EXD3: variants seen among roughly 807,000 people sequenced by gnomAD.
EXD3 encodes the protein exonuclease mut-7 homolog.
EXD3 carries 92 observed loss-of-function variants against 98.0 expected under a neutral mutation model. The observed-to-expected ratio is 0.94, with a 90% CI of 0.79 to 1.12. The LOEUF (loss-of-function observed/expected upper bound fraction) is 1.12. Among genes scored for constraint, EXD3 ranks in the 50% most tolerant of loss-of-function variants. The pLI, the probability that EXD3 is intolerant of heterozygous loss-of-function variation, is 0.00. For synonymous variants in EXD3, 569 were observed against 526.0 expected (o/e 1.08, Z -1.12); for missense variants, 1,222 against 1,191.6 (o/e 1.03, Z -0.38).
chr9:137,330,611 GGA>G (rs1833015318), intron 17 of EXD3, among the ~76,000 whole-genome samples: 4 of 144,094 alleles, frequency 2.8e-5, no homozygotes, highest in African/African-American at 2.6e-5. Flanking sequence ...GGACTACACA[GGA>G]CTACACAGGA....
chr9:137,346,678 A>AGCTGCATTT (rs1235006444), intron 17 of EXD3, among the ~76,000 whole-genome samples: 3 of 152,164 alleles, frequency 2.0e-5, no homozygotes, highest in Non-Finnish European at 2.9e-5. Flanking sequence ...GGTCGGTTTC[A>AGCTGCATTT]AGGCCCTCTA....
At chr9:137,318,594 G>T (rs914190300) in intron 19 of EXD3, among the ~76,000 whole-genome samples, 1 of 152,156 alleles carries the variant, frequency 6.6e-6, no homozygotes, top group Non-Finnish European at 1.5e-5. Context: ...TCCCATGGTA[G>T]ACGGCACTGG....
chr9:137,372,872 T>A, intron 5 of EXD3, 33 bp downstream of exon 5: 1 of 1,594,510 alleles, frequency 6.3e-7, no homozygotes, highest in Non-Finnish European at 8.5e-7. Flanking sequence ...GAGAAGCCGT[T>A]TCCCCATGAG....
intron 7 of EXD3, chr9:137,365,962 A>G: frequency 2.0e-6 from 1 of 502,470 alleles, no homozygotes. Flanking sequence ...CGCACATATC[A>G]CGTGCACACA....
At chr9:137,398,799 C>T (rs1314486680) in intron 1 of EXD3, among the ~76,000 whole-genome samples, 12 of 146,668 alleles carry the variant, frequency 8.2e-5, no homozygotes, top group African/African-American at 3.1e-4. Context: ...CCCGCGTCCC[C>T]GTGACACACA....
intron 1 of EXD3, among the ~76,000 whole-genome samples, chr9:137,419,116 A>T (rs796203034): frequency 7.9e-5 from 12 of 152,352 alleles, no homozygotes; most frequent in Admixed American, 6.5e-4. Context: ...AAAATCATAC[A>T]GGAAGCATTG....
intron 9 of EXD3, 37 bp downstream of exon 9, chr9:137,354,663 G>A (rs775203602): frequency 9.3e-6 from 15 of 1,607,828 alleles, no homozygotes; most frequent in South Asian, 2.2e-5. Flanking sequence ...CTCAGGCCGC[G>A]GCTGGCTGCC....
rs763343141 is a variant in EXD3, at chr9:137,372,976, G to C, written c.391C>G (p.Leu131Val). Reference protein sequence around the residue: ...LAAPLASIFQLQDADRSCLLA... With the variant: ...LAAPLASIFQVQDADRSCLLA... ...AGGCAGCTCCTGTCTGCATCCTGCA[G>C]CTGGAAGATGCTGGCCAGTGGTGCC... The change falls in exon 5 of 22, where the codon CTG becomes GTG. Residue 131 changes from leucine to valine, a missense_variant. Physicochemically the swap from Leu to Val is conservative, Grantham distance 32 (BLOSUM62 1). Coordinates refer to ENST00000340951, the MANE Select transcript of EXD3 (RefSeq NM_017820.5). 2 of 1,604,164 alleles carry C rather than the reference G, an allele frequency of 1.2e-6. No individual in the cohort carries two copies. The highest frequency in any genetic ancestry group is 1.7e-6 in the Non-Finnish European group (2 of 1,179,724).
intron 19 of EXD3, among the ~76,000 whole-genome samples, chr9:137,311,010 G>A (rs1040662491): frequency 1.3e-5 from 2 of 152,218 alleles, no homozygotes; most frequent in Admixed American, 1.3e-4. Context: ...GCCATGTTGG[G>A]GGCACCGGCC....
At chr9:137,392,478 C>T in intron 2 of EXD3, 1 of 175,498 alleles carries the variant, frequency 5.7e-6, no homozygotes, top group South Asian at 1.3e-4. Flanking sequence ...CGAGGCGGGG[C>T]CAGCACAGGG....
In EXD3 at chr9:137,324,022, T is replaced by TGGCCGAGGGGCTGGGGGC; in HGVS notation, c.2052+50_2052+67dup. Reference sequence around the variant, plus strand: ...CGGCAAGCTGACCCTGAGGTGGGGGTGGCCGAGGGGCTGGGGGCTTGGGAA... The same window carrying TGGCCGAGGGGCTGGGGGC: ...CGGCAAGCTGACCCTGAGGTGGGGGTGGCCGAGGGGCTGGGGGCGGCCGAGGGGCTGGGGGCTTGGGAA... On this transcript the variant is annotated intron_variant, in intron 18 of 21. Transcript: ENST00000340951. This position sits in a 1 kb window ranked among gnomAD's most constrained non-coding sequence, Gnocchi z 4.1. 6.5e-7 allele frequency: 1 copy of TGGCCGAGGGGCTGGGGGC among 1,540,660 alleles called. No homozygotes were observed. Among genetic ancestry groups the TGGCCGAGGGGCTGGGGGC allele is most frequent in the East Asian group, 2.4e-5 (1 of 41,054 alleles).
chr9:137,328,652 CT>C, intron 17 of EXD3, among the ~76,000 whole-genome samples: 2 of 59,134 alleles, frequency 3.4e-5, no homozygotes, highest in African/African-American at 1.1e-4. Flanking sequence ...CTACACGGGA[CT>C]ACACGGGACT....
chr9:137,402,935 C>T (rs538949466), intron 1 of EXD3, among the ~76,000 whole-genome samples: 155 of 152,216 alleles, frequency 1.0e-3, no homozygotes, highest in African/African-American at 3.3e-3. Context: ...CATCAGATCT[C>T]GTGAGTCATA....
intron 5 of EXD3, 46 bp from the exon 6 acceptor site, chr9:137,368,035 C>T (rs1214983253): frequency 6.5e-7 from 1 of 1,550,232 alleles, no homozygotes. Context: ...TGGGAGGGGC[C>T]AGGCAGCACG....
intron 19 of EXD3, among the ~76,000 whole-genome samples, chr9:137,311,976 G>A (rs1386584964): frequency 6.6e-6 from 1 of 152,170 alleles, no homozygotes. Context: ...CTCGGGGGCT[G>A]AGAGCCCCTG....
In EXD3 at chr9:137,349,308, C is replaced by T. The variant is rs1834125677; in HGVS notation, c.1658-26G>A. On this transcript the variant is annotated intron_variant, in intron 15 of 21. Transcript: ENST00000340951. This position sits in a 1 kb window ranked among gnomAD's most constrained non-coding sequence, Gnocchi z 7.4. ...CTGTGTGGGGAGTCGGCCTCAGCCT[C>T]CCGGGACAGAGGGCGGGAGGGGCGT... is the stretch of plus-strand genomic sequence containing the variant. 3 of 1,553,564 alleles carry T rather than the reference C, an allele frequency of 1.9e-6. No individual in the cohort carries two copies. The highest frequency in any genetic ancestry group is 1.7e-4 in the Middle Eastern group (1 of 5,978).
chr9:137,352,859 C>G, intron 10 of EXD3, 73 bp from the exon 11 acceptor site: 1 of 1,500,786 alleles, frequency 6.7e-7, no homozygotes, highest in South Asian at 1.3e-5. Context: ...CGAGGGACCC[C>G]CGTAGACCCC....
At chr9:137,337,969 A>T (rs1009764104) in intron 17 of EXD3, among the ~76,000 whole-genome samples, 4 of 151,934 alleles carry the variant, frequency 2.6e-5, no homozygotes, top group Non-Finnish European at 5.9e-5. Context: ...TTGAATTTTT[A>T]GTACAGACAG....
intron 5 of EXD3, among the ~76,000 whole-genome samples, chr9:137,368,657 G>A (rs1230959766): frequency 2.6e-5 from 4 of 152,314 alleles, no homozygotes; most frequent in South Asian, 2.1e-4. Context: ...TCGGCGCCCC[G>A]CCCCCGCGCA....
Sources: allele counts gnomAD v4.1 joint callset (sites outside exome capture counted in the v4.1 genomes callset), GRCh38; gene constraint gnomAD v4.1.1; non-coding constraint Gnocchi (gnomAD v3.1); transcripts MANE v1.5; gene names NCBI Gene and HGNC (gene_info 2026-07-23, HGNC 2026-07-21).